GGPS1: variants seen among roughly 807,000 people sequenced by gnomAD.
GGPS1 encodes geranylgeranyl diphosphate synthase 1.
A neutral mutation model predicts 28.1 loss-of-function variants in GGPS1; 15 were observed. That is an observed-to-expected ratio of 0.53 (90% CI 0.36 to 0.82). The LOEUF is 0.82. Among genes scored for constraint, GGPS1 ranks in the 40% least tolerant of loss-of-function variants. The pLI is 0.01. For missense variants in GGPS1, 284 were observed against 348.3 expected (o/e 0.82, Z 1.47); for synonymous variants, 138 against 122.4 (o/e 1.13, Z -0.84).
Position 235,341,995 on chromosome 1 carries a change from T to TC in GGPS1, c.142-15dup. The TC allele has an allele frequency of 6.9e-7, 1 of 1,446,338 alleles. No homozygotes were observed. Among genetic ancestry groups the TC allele is most frequent in the Non-Finnish European group, 9.4e-7 (1 of 1,065,570 alleles). 89.6% of individuals were successfully genotyped at this position (1,446,338 alleles called of 1,614,324 possible). A position where few individuals can be genotyped will look rare whatever the true frequency, so the allele number is the denominator to read the frequency against. The stretch of plus-strand genomic sequence containing the variant: ...TGAATAGTTCAAATAAGTGAAATTT[T>TC]CAATTTTTTTATTAGATTATTATTG... On this transcript the variant is annotated splice_polypyrimidine_tract_variant and intron_variant, in intron 3 of 3. Transcript: ENST00000282841.
chr1:235,336,546 C>T (rs1034552549), intron 2 of GGPS1, among the ~76,000 whole-genome samples: 1 of 152,192 alleles, frequency 6.6e-6, no homozygotes, highest in Non-Finnish European at 1.5e-5. Flanking sequence ...GTATTCCCAG[C>T]ACTTTGGGAA....
At chr1:235,339,509 C>T (rs1179587211) in intron 2 of GGPS1, among the ~76,000 whole-genome samples, 1 of 151,908 alleles carries the variant, frequency 6.6e-6, no homozygotes, top group African/African-American at 2.4e-5. Context: ...CCCATAATCC[C>T]AGCATTTTGG....
chr1:235,341,581 G>T (rs1326242578), intron 2 of GGPS1, 127 bp from the exon 3 acceptor site: 8 of 696,410 alleles, frequency 1.1e-5, no homozygotes, highest in South Asian at 1.1e-4. Context: ...AGTAGGTAAT[G>T]GATTGATGAG....
At position 235,328,783 on chromosome 1, in the gene GGPS1, G is replaced by C. The variant is rs2103333892; in HGVS notation, c.-24+5G>C. 6.5e-6 allele frequency: 1 copy of C among 152,788 alleles called. No homozygotes were observed. Among genetic ancestry groups the C allele is most frequent in the African/African-American group, 2.4e-5 (1 of 41,450 alleles). 9.5% of individuals were successfully genotyped at this position (152,788 alleles called of 1,614,324 possible). A position where few individuals can be genotyped will look rare whatever the true frequency, so the allele number is the denominator to read the frequency against. On this transcript the variant is annotated splice_donor_5th_base_variant and intron_variant, in intron 1 of 3. Coordinates refer to ENST00000282841, the MANE Select transcript of GGPS1 (RefSeq NM_004837.4). ...TCGTGATATCATCGTTGAACTGTGA[G>C]CGGCAGTGGCGGCGGCTGGGGGGAA...
Position 235,341,997 on chromosome 1 carries a change from A to AT in GGPS1, c.142-14_142-13insT, listed in dbSNP as rs1676058530. ...AATAGTTCAAATAAGTGAAATTTTC[A>AT]ATTTTTTTATTAGATTATTATTGAA... On this transcript the variant is annotated splice_polypyrimidine_tract_variant and intron_variant, in intron 3 of 3. Transcript: ENST00000282841. The AT allele has an allele frequency of 1.4e-6, 2 of 1,468,366 alleles. No homozygotes were observed. Among genetic ancestry groups the AT allele is most frequent in the Non-Finnish European group, 1.8e-6 (2 of 1,084,364 alleles). 91.0% of individuals were successfully genotyped at this position (1,468,366 alleles called of 1,614,324 possible). A position where few individuals can be genotyped will look rare whatever the true frequency, so the allele number is the denominator to read the frequency against.
chr1:235,327,255 A>C, upstream of GGPS1: 9 of 207,450 alleles, frequency 4.3e-5, no homozygotes, highest in Admixed American at 1.2e-4. Context: ...AACTCACAAC[A>C]AGCCCGGCGT....
At chr1:235,327,338 C>G (rs1675368930), upstream of GGPS1, 1 of 153,558 alleles carries the variant, frequency 6.5e-6, no homozygotes, top group Non-Finnish European at 1.5e-5. Context: ...CCACGCGCCG[C>G]GTCCGAGCGA....
chr1:235,329,299 A>G (rs1424344923), intron 1 of GGPS1: 1 of 152,222 alleles, frequency 6.6e-6, no homozygotes, highest in Admixed American at 6.5e-5. Context: ...AACGCGTTAG[A>G]AGGCGCTTTC....
intron 1 of GGPS1, 93 bp from the exon 2 acceptor site, chr1:235,335,147 CTT>C (rs1004528285): frequency 1.6e-6 from 1 of 618,672 alleles, no homozygotes; most frequent in African/African-American, 1.9e-5. Flanking sequence ...GACTAGGTGT[CTT>C]TTCACAAACA....
chr1:235,334,376 G>A (rs1675806505), intron 1 of GGPS1, among the ~76,000 whole-genome samples: 1 of 152,178 alleles, frequency 6.6e-6, no homozygotes, highest in Non-Finnish European at 1.5e-5. Context: ...TATAAGTTAT[G>A]TGACTAAGAA....
chr1:235,341,943 A>C (rs1211546752), intron 3 of GGPS1, 68 bp from the exon 4 acceptor site: 3 of 1,033,398 alleles, frequency 2.9e-6, no homozygotes, highest in Non-Finnish European at 1.4e-6. Flanking sequence ...AGACTTTCAT[A>C]ATCTGTTAAT....
chr1:235,334,216 CATCTT>C (rs200486347), intron 1 of GGPS1, among the ~76,000 whole-genome samples: 5,887 of 152,228 alleles, frequency 0.039, 416 homozygotes, highest in African/African-American at 0.13. Context: ...AAAACATACT[CATCTT>C]AGTGCTCATT....
chr1:235,341,284 G>C (rs182074882), intron 2 of GGPS1, among the ~76,000 whole-genome samples: 1 of 152,246 alleles, frequency 6.6e-6, no homozygotes, highest in Non-Finnish European at 1.5e-5. Context: ...CCGAGATCAC[G>C]CCACTGCACT....
intron 1 of GGPS1, among the ~76,000 whole-genome samples, chr1:235,333,768 C>T (rs1450301719): frequency 3.3e-5 from 5 of 152,050 alleles, no homozygotes; most frequent in Admixed American, 3.3e-4. Context: ...TTGAACAGCC[C>T]TAACCACAAA....
intron 1 of GGPS1, chr1:235,329,272 C>T (rs1675600125): frequency 6.6e-6 from 1 of 152,236 alleles, no homozygotes; most frequent in Non-Finnish European, 1.5e-5. Context: ...AGGTTGTGTG[C>T]CCTGGTTTCA....
chr1:235,339,084 G>A (rs982957147), intron 2 of GGPS1, among the ~76,000 whole-genome samples: 5 of 152,132 alleles, frequency 3.3e-5, no homozygotes, highest in African/African-American at 1.2e-4. Context: ...TGGATCACCT[G>A]AGGTCAGGAA....
chr1:235,329,018 G>A (rs1253594620), intron 1 of GGPS1: 1 of 152,270 alleles, frequency 6.6e-6, no homozygotes, highest in African/African-American at 2.4e-5. Context: ...CTTCCCCTCC[G>A]GACTCTGTGC....
Position 235,342,279 on chromosome 1 carries a change from C to G in GGPS1, c.410C>G (p.Thr137Ser). 1.9e-6 allele frequency: 3 copies of G among 1,614,036 alleles called. No individual in the cohort carries two copies. Among genetic ancestry groups the G allele is most frequent in the Non-Finnish European group, 2.5e-6 (3 of 1,179,902 alleles). The change falls in exon 4 of 4, where the codon ACT (threonine) becomes AGT (serine). Residue 137 changes from threonine to serine, a missense_variant. By Grantham distance (58) the Thr-to-Ser change is moderately conservative. Coordinates refer to ENST00000282841, the MANE Select transcript of GGPS1 (RefSeq NM_004837.4). The stretch of plus-strand genomic sequence containing the variant: ...GATATTTACTGGAGGGATAATTACA[C>G]TTGTCCCACTGAAGAAGAATATAAA... ...GLDIYWRDNY[T>S]CPTEEEYKAM...
intron 1 of GGPS1, among the ~76,000 whole-genome samples, chr1:235,333,567 C>CA (rs112155157): frequency 0.21 from 26,672 of 129,004 alleles, 3,875 homozygotes; most frequent in African/African-American, 0.43. Flanking sequence ...AACTCCGTCT[C>CA]AAAAAAAAAA....
Sources: gnomAD v4.1 joint callset for allele counts (sites outside exome capture counted in the v4.1 genomes callset) on GRCh38, gnomAD v4.1.1 for gene constraint, MANE v1.5 for transcripts, NCBI Gene and HGNC (gene_info 2026-07-23, HGNC 2026-07-21) for gene names.